The following KIAA1671 variants were observed in gnomAD, a reference collection of about 807,000 sequenced individuals.
KIAA1671 encodes the protein KIAA1671.
A neutral mutation model predicts 131.2 loss-of-function variants in KIAA1671; 52 were observed. The ratio of observed to expected loss-of-function variants is 0.40; its 90% CI spans 0.32 to 0.50. The LOEUF (loss-of-function observed/expected upper bound fraction) is 0.50. Ranked by LOEUF, KIAA1671 falls within the 20% of genes least tolerant of loss-of-function variation. The pLI is 0.73. For synonymous variants in KIAA1671, 1,003 were observed against 961.6 expected (o/e 1.04, Z -0.80); for missense variants, 2,360 against 2,364.2 (o/e 1.00, Z 0.04).
intron 6 of KIAA1671, among the ~76,000 whole-genome samples, chr22:25,093,077 A>T (rs1181026786): frequency 6.6e-6 from 1 of 152,172 alleles, no homozygotes; most frequent in Non-Finnish European, 1.5e-5. Context: ...CCGGCAAGTG[A>T]CTATGTTCAT....
At position 25,039,271 on chromosome 22, in the gene KIAA1671, A is replaced by G; in HGVS notation, c.2141A>G (p.Asn714Ser). Residue 714 changes from asparagine to serine, a missense_variant, in exon 5 of 13, where the codon AAC becomes AGC. Asn to Ser is a conservative substitution (Grantham distance 46). This residue lies in a region of KIAA1671 where 1,185 missense variants were observed against 1,126.2 expected (regional missense o/e 1.05). Transcript: ENST00000358431. Reference protein sequence around the residue: ...KYPLSENHNNNTFLKHLENPP... With the variant: ...KYPLSENHNNSTFLKHLENPP... ...CCTTTGTCTGAAAACCACAATAATA[A>G]CACCTTCCTCAAACACTTGGAAAAT... The G allele has an allele frequency of 1.9e-6, 3 of 1,552,256 alleles. No homozygotes were observed. The highest frequency in any genetic ancestry group is 2.6e-6 in the Non-Finnish European group (3 of 1,147,108).
intron 1 of KIAA1671, among the ~76,000 whole-genome samples, chr22:24,975,646 G>A (rs1922872708): frequency 6.6e-6 from 1 of 152,182 alleles, no homozygotes; most frequent in Non-Finnish European, 1.5e-5. Flanking sequence ...ATATGAAATT[G>A]CCATTTTCGT....
chr22:25,041,918 A>AT (rs1280392150), intron 5 of KIAA1671, among the ~76,000 whole-genome samples: 1 of 151,190 alleles, frequency 6.6e-6, no homozygotes, highest in Non-Finnish European at 1.5e-5. Context: ...CTAATTTTTT[A>AT]TTTTTTGTAG....
intron 1 of KIAA1671, among the ~76,000 whole-genome samples, chr22:25,021,795 T>C (rs1925681630): frequency 6.7e-6 from 1 of 148,926 alleles, no homozygotes. Context: ...CTCTTTTTCA[T>C]TTTTTTTTTG....
At chr22:25,062,827 C>CACCGCCA (rs1928237406) in intron 6 of KIAA1671, 1 of 98,936 alleles carries the variant, frequency 1.0e-5, no homozygotes, top group Non-Finnish European at 2.2e-5. Flanking sequence ...CACCCCCGCC[C>CACCGCCA]CCCGCCACCC....
At position 25,177,108 on chromosome 22, in the gene KIAA1671, C is replaced by G. The variant is rs1000456051; in HGVS notation, c.4900-240C>G. 4.6e-5 allele frequency: 24 copies of G among 523,640 alleles called. No homozygotes were observed. The Admixed American group carries it at 7.3e-4, about 16-fold the overall frequency. 32.4% of individuals were successfully genotyped at this position (523,640 alleles called of 1,614,324 possible). On this transcript the variant is annotated intron_variant, in intron 8 of 12. Coordinates refer to ENST00000358431, the MANE Select transcript of KIAA1671 (RefSeq NM_001145206.2). ...GGGTGCCAGGAAGCCAGGCACTGTA[C>G]TAGGGCACTCAAGGTTCATTGTTCC...
chr22:25,019,048 TTTTGTG>T (rs1183815576), intron 1 of KIAA1671, among the ~76,000 whole-genome samples: 1 of 115,806 alleles, frequency 8.6e-6, no homozygotes, highest in Admixed American at 9.7e-5. Flanking sequence ...CCAATAGTTG[TTTTGTG>T]TGTGTGTGTG....
At chr22:25,091,152 T>C (rs1043906108) in intron 6 of KIAA1671, among the ~76,000 whole-genome samples, 3 of 152,086 alleles carry the variant, frequency 2.0e-5, no homozygotes, top group African/African-American at 4.8e-5. Context: ...TTGCCTCCCA[T>C]GTTCAAGCGA....
intron 6 of KIAA1671, among the ~76,000 whole-genome samples, chr22:25,139,421 G>C (rs1474421624): frequency 1.3e-5 from 2 of 152,224 alleles, no homozygotes; most frequent in Non-Finnish European, 2.9e-5. Flanking sequence ...CTTGAATCTG[G>C]ATTTTGCCAC....
At chr22:25,126,302 G>A (rs1161118851) in intron 6 of KIAA1671, among the ~76,000 whole-genome samples, 3 of 152,142 alleles carry the variant, frequency 2.0e-5, no homozygotes, top group Admixed American at 6.5e-5. Flanking sequence ...ATTTAACACC[G>A]GTAATTCCTT....
chr22:25,014,805 A>G (rs1040345038), intron 1 of KIAA1671: 2 of 152,180 alleles, frequency 1.3e-5, no homozygotes, highest in African/African-American at 4.8e-5. Context: ...GGTGAGGCTC[A>G]GCCAGAATAC....
At chr22:25,187,412 C>A (rs1217762152) in intron 11 of KIAA1671, among the ~76,000 whole-genome samples, 1 of 152,154 alleles carries the variant, frequency 6.6e-6, no homozygotes, top group South Asian at 2.1e-4. Flanking sequence ...TAGTTTGATT[C>A]CCCTGCTCCA....
chr22:25,036,077 A>T (rs1926576926), intron 4 of KIAA1671, among the ~76,000 whole-genome samples: 2 of 152,040 alleles, frequency 1.3e-5, no homozygotes, highest in Admixed American at 1.3e-4. Flanking sequence ...TCTTTATTTT[A>T]TTTATTTATT....
rs36090380 is a variant in KIAA1671, at chr22:25,084,457, C to CAAAAAAA, written c.4530+35105_4530+35111dup. Among the ~76,000 whole-genome samples, 96 of 128,412 alleles carry CAAAAAAA rather than the reference C, an allele frequency of 7.5e-4. 3 individuals are homozygous for CAAAAAAA. The highest frequency in any genetic ancestry group is 9.3e-4 in the African/African-American group (31 of 33,308). 84.2% of individuals were successfully genotyped at this position (128,412 alleles called of 152,430 possible). ...TCAGCGACAGAGCAAGACTCTATCT[C>CAAAAAAA]AAAAAAAAAAAAAAAAAATTGACAA... On this transcript the variant is annotated intron_variant, in intron 6 of 12. Coordinates refer to ENST00000358431, the MANE Select transcript of KIAA1671 (RefSeq NM_001145206.2).
intron 5 of KIAA1671, among the ~76,000 whole-genome samples, chr22:25,042,473 T>TG (rs1926989111): frequency 1.4e-5 from 2 of 147,204 alleles, no homozygotes; most frequent in African/African-American, 2.5e-5. Flanking sequence ...GTTTTTTTTT[T>TG]TTTTTTTTTT....
At chr22:25,093,887 C>CTG (rs2145885146) in intron 6 of KIAA1671, among the ~76,000 whole-genome samples, 1 of 28,314 alleles carries the variant, frequency 3.5e-5, no homozygotes, top group Admixed American at 3.4e-4. Context: ...TCTCTCTCTC[C>CTG]CTTCTGCTTC....
intron 6 of KIAA1671, among the ~76,000 whole-genome samples, chr22:25,105,829 G>A (rs199759975): frequency 1.3e-5 from 2 of 151,552 alleles, no homozygotes; most frequent in Non-Finnish European, 2.9e-5. Flanking sequence ...TGGGGGGGGG[G>A]GGTGCCAAAC....
At chr22:25,182,178 C>CA (rs750029304) in intron 10 of KIAA1671, among the ~76,000 whole-genome samples, 205 of 67,168 alleles carry the variant, frequency 3.1e-3, no homozygotes, top group African/African-American at 8.8e-3. Context: ...GACTCCATCT[C>CA]AAAAAAAAAA....
chr22:25,157,988 A>T (rs530421812), intron 6 of KIAA1671, among the ~76,000 whole-genome samples: 1 of 151,804 alleles, frequency 6.6e-6, no homozygotes, highest in East Asian at 1.9e-4. Flanking sequence ...CGCCCGGCTA[A>T]TTTTTTGTAT....
Sources: allele counts gnomAD v4.1 joint callset (sites outside exome capture counted in the v4.1 genomes callset), GRCh38; gene constraint gnomAD v4.1.1; regional missense constraint gnomAD v4.1.1; transcripts MANE v1.5; gene names NCBI Gene and HGNC (gene_info 2026-07-23, HGNC 2026-07-21).